ASPG: variants seen among roughly 807,000 people sequenced by gnomAD.
ASPG encodes the protein asparaginase.
In ASPG, 53 loss-of-function variants were observed where a neutral mutation model predicts 63.2. The observed-to-expected ratio is 0.84, with a 90% CI of 0.67 to 1.05. The LOEUF is 1.05. ASPG is among the 50% of genes least tolerant of loss of function. ASPG has a pLI of 0.00. For synonymous variants in ASPG, 370 were observed against 355.0 expected, an observed-to-expected ratio of 1.04 and a Z score of -0.48; for missense variants, 741 against 794.4, an observed-to-expected ratio of 0.93 and a Z score of 0.81.
chr14:104,099,534 C>T (rs145031295), intron 6 of ASPG, among the ~76,000 whole-genome samples: 1,868 of 152,302 alleles, frequency 0.012, 95 homozygotes, highest in Admixed American at 0.11. Context: ...TCACCTGAGA[C>T]GCAGGGCCAC....
At position 104,103,553 on chromosome 14, in the gene ASPG, C is replaced by T; in HGVS notation, c.641-10C>T. On this transcript the variant is annotated splice_polypyrimidine_tract_variant and intron_variant, in intron 6 of 15. Coordinates refer to ENST00000551177, the MANE Select transcript of ASPG (RefSeq NM_001080464.3). ...CTGAAGGCACCACACAGGCCCTTCC[C>T]TGTCCTCAGTCAACAGGGAGCTGGT... 1.9e-6 allele frequency: 3 copies of T among 1,547,304 alleles called. No homozygotes were observed. Among genetic ancestry groups the T allele is most frequent in the Non-Finnish European group, 2.6e-6 (3 of 1,146,226 alleles).
chr14:104,095,738 G>A (rs983616924), intron 4 of ASPG, 82 bp downstream of exon 4: 19 of 1,562,312 alleles, frequency 1.2e-5, no homozygotes, highest in Middle Eastern at 1.8e-4. Context: ...CGGCCGCTGC[G>A]GGACCCCGGG....
chr14:104,089,535 C>A (rs2036305560), intron 1 of ASPG, among the ~76,000 whole-genome samples: 1 of 151,664 alleles, frequency 6.6e-6, no homozygotes, highest in South Asian at 2.1e-4. Flanking sequence ...ACAAAAAAAA[C>A]TGATGCCACT....
chr14:104,110,661 C>T lies in ASPG; in HGVS notation c.1521-841C>T. 1 of 985,396 alleles carries T rather than the reference C, an allele frequency of 1.0e-6. No homozygotes were observed. The highest frequency in any genetic ancestry group is 1.2e-6 in the Non-Finnish European group (1 of 829,900). The allele number at this position is 985,396 out of a possible 1,614,324, so 61.0% of individuals were successfully genotyped here. On this transcript the variant is annotated intron_variant, in intron 13 of 15. Coordinates refer to ENST00000551177, the MANE Select transcript of ASPG (RefSeq NM_001080464.3). This position sits in a 1 kb window ranked among gnomAD's most constrained non-coding sequence, Gnocchi z 4.7. ...TCGCTGCAGAGATTACCCAGTGCCACTGCAGGGCTGCTGCTGTTTCCTGGG... is the reference window on the plus strand; with the variant it reads ...TCGCTGCAGAGATTACCCAGTGCCATTGCAGGGCTGCTGCTGTTTCCTGGG...
intron 1 of ASPG, among the ~76,000 whole-genome samples, chr14:104,086,906 G>C (rs1464770751): frequency 6.6e-6 from 1 of 152,070 alleles, no homozygotes; most frequent in Non-Finnish European, 1.5e-5. Context: ...GCCTCCCCTG[G>C]CATGACCAGA....
In ASPG at chr14:104,092,646, G is replaced by A; in HGVS notation, c.96G>A (p.Gly32=). Residue 32 remains glycine, a synonymous_variant, in exon 2 of 16, where the codon GGG becomes GGA. Transcript: ENST00000551177. ...CTCTGCCTGCAGTGCTTGTGCCCGG[G>A]ACGGGCCTGGCTGCCATCCTGAGGA... ...MRSELGVLVP[G]TGLAAILRTL... is the part of the protein sequence containing the mutation. 1 of 1,536,006 alleles carries A rather than the reference G, an allele frequency of 6.5e-7. No homozygotes were observed. The highest frequency in any genetic ancestry group is 8.7e-7 in the Non-Finnish European group (1 of 1,147,180).
intron 3 of ASPG, among the ~76,000 whole-genome samples, chr14:104,095,030 C>T (rs1192589753): frequency 6.6e-6 from 1 of 152,220 alleles, no homozygotes; most frequent in Non-Finnish European, 1.5e-5. Flanking sequence ...GCCAGCTTCA[C>T]TGCTGCCCTT....
chr14:104,097,423 C>T, intron 4 of ASPG, 131 bp from the exon 5 acceptor site: 3 of 868,986 alleles, frequency 3.5e-6, no homozygotes, highest in Non-Finnish European at 5.2e-6. Context: ...TCCAAGCCCG[C>T]CTGTCCTTCT....
rs750917242 is a variant in ASPG, at chr14:104,115,062, C to A, written c.*2518C>A. The A allele has an allele frequency of 6.6e-6, 1 of 152,154 alleles. No homozygotes were observed. Among genetic ancestry groups the A allele is most frequent in the East Asian group, 1.9e-4 (1 of 5,178 alleles). 9.4% of individuals were successfully genotyped at this position (152,154 alleles called of 1,614,324 possible). A position where few individuals can be genotyped will look rare whatever the true frequency, so the allele number is the denominator to read the frequency against. ...AGGCCTTGGTTCCTATAGCCCATCT[C>A]GAATCACCTGGATCCCAGGGCTATC... On this transcript the variant is annotated 3_prime_UTR_variant, in exon 16 of 16. Transcript: ENST00000551177.
intron 5 of ASPG, among the ~76,000 whole-genome samples, chr14:104,098,313 T>C (rs930396607): frequency 1.3e-5 from 2 of 152,152 alleles, no homozygotes; most frequent in Admixed American, 6.5e-5. Flanking sequence ...CCCTCCCCCA[T>C]GTCTTTCCCT....
At chr14:104,090,832 C>T (rs1228962563) in intron 1 of ASPG, among the ~76,000 whole-genome samples, 1 of 152,180 alleles carries the variant, frequency 6.6e-6, no homozygotes, top group Non-Finnish European at 1.5e-5. Context: ...CCACAGGTAC[C>T]GGGGATTGGG....
chr14:104,085,791 C>T lies in ASPG; in HGVS notation c.21C>T (p.Pro7=), dbSNP rs1263613874. ...CCGGCATGGCGCGCGCGGTGGGGCC[C>T]GAGCGGAGGCTGCTGGCCGTCTACA... MARAVG[P]ERRLLAVYTG... The change falls in exon 1 of 16, where the codon CCC becomes CCT. Residue 7 remains proline (P), a synonymous_variant. Coordinates refer to ENST00000551177, the MANE Select transcript of ASPG (RefSeq NM_001080464.3). The T allele has an allele frequency of 5.7e-6, 9 of 1,588,252 alleles. No individual in the cohort carries two copies. The highest frequency in any genetic ancestry group is 7.7e-6 in the Non-Finnish European group (9 of 1,173,846).
At chr14:104,094,735 C>T (rs1429551149) in intron 3 of ASPG, among the ~76,000 whole-genome samples, 4 of 152,226 alleles carry the variant, frequency 2.6e-5, no homozygotes, top group African/African-American at 7.2e-5. Flanking sequence ...AGCTGCCCTG[C>T]GGTCCTTGCT....
intron 2 of ASPG, 79 bp downstream of exon 2, chr14:104,092,820 C>T (rs2036410888): frequency 4.7e-6 from 6 of 1,264,930 alleles, no homozygotes; most frequent in Non-Finnish European, 1.1e-6. Context: ...CACTGCTGGC[C>T]AGGCCCACGT....
Position 104,109,017 on chromosome 14 carries a change from A to T in ASPG, c.1434-212A>T, listed in dbSNP as rs1345021170. ...CAGCTGCCCTAAGAAGGAGTACTGG[A>T]CAAATGGAGGTGGTGGGATCCCGGG... On this transcript the variant is annotated intron_variant, in intron 12 of 15. Transcript: ENST00000551177. The surrounding 1 kb of genome is among the most constrained non-coding windows in gnomAD (Gnocchi z 4.8). 1 of 985,244 alleles carries T rather than the reference A, an allele frequency of 1.0e-6. No individual in the cohort carries two copies. The highest frequency in any genetic ancestry group is 1.7e-5 in the African/African-American group (1 of 57,220). 61.0% of individuals were successfully genotyped at this position (985,244 alleles called of 1,614,324 possible).
chr14:104,110,449 T>C lies in ASPG; in HGVS notation c.1521-1053T>C. ...TTGACAGATGGGGAAACTGAGGCAG[T>C]AGTCAGGTCCTGTGGGAGCTGGGAC... On this transcript the variant is annotated intron_variant, in intron 13 of 15. Transcript: ENST00000551177. This position sits in a 1 kb window ranked among gnomAD's most constrained non-coding sequence, Gnocchi z 4.7. 1.0e-6 allele frequency: 1 copy of C among 985,214 alleles called. No individual in the cohort carries two copies. Among genetic ancestry groups the C allele is most frequent in the Non-Finnish European group, 1.2e-6 (1 of 829,828 alleles). 61.0% of individuals were successfully genotyped at this position (985,214 alleles called of 1,614,324 possible).
At position 104,098,860 on chromosome 14, in the gene ASPG, T is replaced by C; in HGVS notation, c.521T>C (p.Leu174Pro). Residue 174 changes from leucine to proline, a missense_variant, in exon 6 of 16, where the codon CTT (leucine) becomes CCT (proline). By Grantham distance (98) the Leu-to-Pro change is moderately conservative. Transcript: ENST00000551177. ...GTCGCTCCGTTCCCGCAGGTCTGCC[T>C]TTTCTTCCAGAATCAGCTGTTTCGG... ...AGQYVIPEVC[L>P]FFQNQLFRGN... 6.2e-7 allele frequency: 1 copy of C among 1,612,744 alleles called. No homozygotes were observed.
At chr14:104,093,374 T>G in intron 2 of ASPG, 117 bp from the exon 3 acceptor site, 1 of 921,218 alleles carries the variant, frequency 1.1e-6, no homozygotes, top group African/African-American at 1.6e-5. Context: ...TGCGGAGCCC[T>G]TGGCGTAGGG....
chr14:104,112,315 C>G (rs1382698234), intron 15 of ASPG, among the ~76,000 whole-genome samples: 1 of 152,018 alleles, frequency 6.6e-6, no homozygotes, highest in African/African-American at 2.4e-5. Flanking sequence ...CACCGGGACC[C>G]CCTAGGCTGG....
Sources: allele counts gnomAD v4.1 joint callset (sites outside exome capture counted in the v4.1 genomes callset), GRCh38; gene constraint gnomAD v4.1.1; non-coding constraint Gnocchi (gnomAD v3.1); transcripts MANE v1.5; gene names NCBI Gene and HGNC (gene_info 2026-07-23, HGNC 2026-07-21).